The following ADAM23 variants were observed in gnomAD, a reference collection of about 807,000 sequenced individuals.
The protein encoded by ADAM23 is disintegrin and metalloproteinase domain-containing protein 23.
ADAM23 carries 33 observed loss-of-function variants against 120.1 expected under a neutral mutation model. That is an observed-to-expected ratio of 0.27 (90% CI 0.21 to 0.37). ADAM23 has a LOEUF of 0.37. Ranked by LOEUF, ADAM23 falls within the 10% of genes least tolerant of loss-of-function variation. The pLI is 1.00. For missense variants in ADAM23, 862 were observed against 1,058.2 expected (o/e 0.81, Z 2.57); for synonymous variants, 367 against 375.2 (o/e 0.98, Z 0.25).
rs1697584921 is a variant in ADAM23 at position 206,553,823 on chromosome 2, G to A, written c.934-3604G>A. ...GTGGGGATTTGCTGCTGGGCTTTAG[G>A]ATAATCATCTCACTGAGAGTACTCA... is the stretch of plus-strand genomic sequence containing the variant. On this transcript the variant is annotated intron_variant, in intron 9 of 25. Transcript: ENST00000264377. 3.3e-5 allele frequency among the ~76,000 whole-genome samples: 5 copies of A among 152,172 alleles called. No homozygotes were observed. In the South Asian group the frequency reaches 1.0e-3, roughly 32 times the overall value.
rs190478451 is a variant in ADAM23 at position 206,606,191 on chromosome 2, T to A, written c.2360-3719T>A. 2.2e-3 allele frequency among the ~76,000 whole-genome samples: 334 copies of A among 152,336 alleles called. 1 individual carries two copies. The highest frequency in any genetic ancestry group is 7.7e-3 in the African/African-American group (320 of 41,578). The stretch of plus-strand genomic sequence containing the variant: ...TAATTTTAAAATACAGACTTTTTTT[T>A]AAACCATTTATTGGCAAAAATGCTT... On this transcript the variant is annotated intron_variant, in intron 24 of 25. Coordinates refer to ENST00000264377, the MANE Select transcript of ADAM23 (RefSeq NM_003812.4).
rs1020847134 is a variant in ADAM23 at position 206,443,892 on chromosome 2, G to A, written c.26G>A (p.Arg9Gln). The change falls in exon 1 of 26, where the codon CGG (arginine) becomes CAG (glutamine). Residue 9 changes from arginine (R) to glutamine (Q), a missense_variant. By Grantham distance (43) the Arg-to-Gln change is conservative (BLOSUM62 1). Transcript: ENST00000264377. MKPPGSSS[R>Q]QPPLAGCSLA... Reference sequence around the variant, plus strand: ...ATGAAGCCGCCCGGCAGCAGCTCGCGGCAGCCGCCCCTGGCGGGCTGCAGC... The same window carrying A: ...ATGAAGCCGCCCGGCAGCAGCTCGCAGCAGCCGCCCCTGGCGGGCTGCAGC... 3.4e-6 allele frequency: 4 copies of A among 1,169,758 alleles called. No individual in the cohort carries two copies. Among genetic ancestry groups the A allele is most frequent in the African/African-American group, 3.2e-5 (2 of 61,622 alleles). 72.5% of individuals were successfully genotyped at this position (1,169,758 alleles called of 1,614,324 possible).
intron 3 of ADAM23, among the ~76,000 whole-genome samples, chr2:206,513,179 T>C (rs1225970213): frequency 6.6e-6 from 1 of 152,158 alleles, no homozygotes; most frequent in African/African-American, 2.4e-5. Context: ...CACTTGAAAT[T>C]AAAAGGTAGG....
In ADAM23 at chr2:206,493,856, C is replaced by T. The variant is rs112181524; in HGVS notation, c.509+12548C>T. 3.9e-3 allele frequency among the ~76,000 whole-genome samples: 591 copies of T among 152,294 alleles called. 5 individuals are homozygous for T. The highest frequency in any genetic ancestry group is 7.0e-3 in the Non-Finnish European group (477 of 68,020). ...TTTTTGCCCAAGTGAGTTCACACAT[C>T]CAATAAATCAGACTAAACTACATGT... On this transcript the variant is annotated intron_variant, in intron 3 of 25. Coordinates refer to ENST00000264377, the MANE Select transcript of ADAM23 (RefSeq NM_003812.4).
rs552589210 is a variant in ADAM23, at chr2:206,585,418, G to A, written c.1738-1907G>A. Reference sequence around the variant, plus strand: ...TGATCCCTTGAATACTCACCAGATTGAAAAGCTGTGGCGAATGAAACATTT... The same window carrying A: ...TGATCCCTTGAATACTCACCAGATTAAAAAGCTGTGGCGAATGAAACATTT... On this transcript the variant is annotated intron_variant, in intron 18 of 25. Transcript: ENST00000264377. Among the ~76,000 whole-genome samples the A allele has an allele frequency of 1.1e-4, 16 of 152,336 alleles. No homozygotes were observed. The South Asian group carries it at 3.1e-3, about 30-fold the overall frequency.
intron 3 of ADAM23, among the ~76,000 whole-genome samples, chr2:206,504,735 A>T (rs1181149203): frequency 6.6e-6 from 1 of 152,176 alleles, no homozygotes; most frequent in African/African-American, 2.4e-5. Flanking sequence ...AGTAGTGGAC[A>T]CTTTTGTCCA....
Position 206,560,105 on chromosome 2 carries a change from G to A in ADAM23, c.1156G>A (p.Val386Met). ...GCGCATTAAGCAGCATGCTGATGCT[G>A]TGCACCTCATCTCGTACGTACTCAT... ...RQRIKQHADA[V>M]HLISRVTFHY... The change falls in exon 11 of 26, where the codon GTG becomes ATG. Residue 386 changes from valine (V) to methionine (M), a missense_variant. Physicochemically the swap from Val to Met is conservative, Grantham distance 21. Coordinates refer to ENST00000264377, the MANE Select transcript of ADAM23 (RefSeq NM_003812.4). 6.2e-7 allele frequency: 1 copy of A among 1,613,734 alleles called. No individual in the cohort carries two copies. The highest frequency in any genetic ancestry group is 8.5e-7 in the Non-Finnish European group (1 of 1,179,758).
intron 3 of ADAM23, among the ~76,000 whole-genome samples, chr2:206,511,311 TC>T (rs1696617717): frequency 6.6e-6 from 1 of 152,212 alleles, no homozygotes; most frequent in African/African-American, 2.4e-5. Context: ...ATGATGCATA[TC>T]CTTCATCTCC....
intron 3 of ADAM23, among the ~76,000 whole-genome samples, chr2:206,524,139 T>C (rs1283015190): frequency 6.6e-6 from 1 of 152,198 alleles, no homozygotes; most frequent in Non-Finnish European, 1.5e-5. Context: ...ATGAGAAATA[T>C]GGGCATTTGT....
intron 14 of ADAM23, 33 bp from the exon 15 acceptor site, chr2:206,567,190 A>G (rs1249636994): frequency 4.6e-6 from 7 of 1,510,464 alleles, no homozygotes; most frequent in Non-Finnish European, 4.6e-6. Context: ...CTTTTGGTAA[A>G]TTATTTACAT....
chr2:206,453,480 A>C (rs1231167536), intron 2 of ADAM23, among the ~76,000 whole-genome samples: 1 of 152,252 alleles, frequency 6.6e-6, no homozygotes, highest in East Asian at 1.9e-4. Flanking sequence ...CACAATTGAT[A>C]TGGGCACCCT....
At chr2:206,581,908 G>C (rs1039212553) in intron 18 of ADAM23, among the ~76,000 whole-genome samples, 1 of 151,172 alleles carries the variant, frequency 6.6e-6, no homozygotes. Context: ...ATGGAGTTTC[G>C]CTCTTGTTGC....
At chr2:206,521,294 A>AG (rs1429525915) in intron 3 of ADAM23, among the ~76,000 whole-genome samples, 1 of 152,070 alleles carries the variant, frequency 6.6e-6, no homozygotes, top group Admixed American at 6.6e-5. Context: ...CATTGAGTTT[A>AG]GGGGATGTAG....
At chr2:206,500,004 T>C (rs1696354685) in intron 3 of ADAM23, among the ~76,000 whole-genome samples, 1 of 152,164 alleles carries the variant, frequency 6.6e-6, no homozygotes, top group African/African-American at 2.4e-5. Flanking sequence ...TTGTTTTGAG[T>C]TTATCTCTCC....
chr2:206,509,270 T>C (rs1196172298), intron 3 of ADAM23, among the ~76,000 whole-genome samples: 2 of 152,182 alleles, frequency 1.3e-5, no homozygotes, highest in Non-Finnish European at 2.9e-5. Context: ...GAAGTAACCA[T>C]TATTAATATT....
intron 2 of ADAM23, among the ~76,000 whole-genome samples, chr2:206,470,513 C>G (rs776543877): frequency 5.9e-5 from 9 of 152,114 alleles, no homozygotes; most frequent in Non-Finnish European, 1.2e-4. Flanking sequence ...GGTCACGTAT[C>G]AATATTAGCT....
chr2:206,542,871 T>C (rs1015991759), intron 5 of ADAM23, among the ~76,000 whole-genome samples: 7 of 152,194 alleles, frequency 4.6e-5, no homozygotes, highest in African/African-American at 1.4e-4. Flanking sequence ...ACAGATGATA[T>C]TGAATTTGCA....
At chr2:206,577,948 T>C (rs1020156302) in intron 18 of ADAM23, among the ~76,000 whole-genome samples, 9 of 151,610 alleles carry the variant, frequency 5.9e-5, no homozygotes, top group Admixed American at 1.3e-4. Context: ...TTTTAATGAT[T>C]GCCATTCTAA....
chr2:206,514,655 C>T (rs1254434874), intron 3 of ADAM23, among the ~76,000 whole-genome samples: 2 of 152,140 alleles, frequency 1.3e-5, no homozygotes, highest in Non-Finnish European at 2.9e-5. Context: ...AGTTCTGCTG[C>T]GGGTAAAATG....
Sources: gnomAD v4.1 joint callset for allele counts (sites outside exome capture counted in the v4.1 genomes callset) on GRCh38, gnomAD v4.1.1 for gene constraint, MANE v1.5 for transcripts, NCBI Gene and HGNC (gene_info 2026-07-23, HGNC 2026-07-21) for gene names.